The following KIF1A variants were observed in gnomAD, a reference collection of about 807,000 sequenced individuals.
The protein encoded by KIF1A is kinesin family member 1A.
In KIF1A, 46 loss-of-function variants were observed where a neutral mutation model predicts 227.3. That is an observed-to-expected ratio of 0.20 (90% CI 0.16 to 0.26). KIF1A has a LOEUF of 0.26. Among genes scored for constraint, KIF1A ranks in the 10% least tolerant of loss-of-function variants. The probability of loss-of-function intolerance (pLI) is 1.00; values close to 1 mark genes in which losing one functional copy is unlikely to be tolerated. For synonymous variants in KIF1A, 1,022 were observed against 1,012.8 expected (o/e 1.01, Z -0.17); for missense variants, 1,683 against 2,485.9 (o/e 0.68, Z 6.87).
chr2:240,797,648 G>A lies in KIF1A; in HGVS notation c.105C>T (p.Thr35=). The part of the protein sequence containing the change: ...KCIIQMSGST[T]TIVNPKQPKE... The stretch of plus-strand genomic sequence containing the variant: ...GATGCTGTGCAGGCTGATACTCACT[G>A]GTGGTGCTTCCAGACATCTGAATGA... Residue 35 remains threonine, a splice_region_variant and synonymous_variant, in exon 2 of 49, where the codon ACC becomes ACT. Transcript: ENST00000498729. 1 of 1,605,400 alleles carries A rather than the reference G, an allele frequency of 6.2e-7. No individual in the cohort carries two copies. The highest frequency in any genetic ancestry group is 2.2e-5 in the East Asian group (1 of 44,848).
At position 240,790,234 on chromosome 2, in the gene KIF1A, A is replaced by G. The variant is rs542608254; in HGVS notation, c.107-922T>C. Among the ~76,000 whole-genome samples the G allele has an allele frequency of 3.7e-4, 57 of 152,292 alleles. No homozygotes were observed. The highest frequency in any genetic ancestry group is 1.3e-3 in the African/African-American group (55 of 41,564). On this transcript the variant is annotated intron_variant, in intron 2 of 48. Transcript: ENST00000498729. This position sits in a 1 kb window ranked among gnomAD's most constrained non-coding sequence, Gnocchi z 5.0. ...AGAATTGGTGTTGACAGAGGCCTGG[A>G]GGCCTGAGGCAGTCCCCTCCCAGGT...
chr2:240,774,659 T>C (rs978712001), intron 11 of KIF1A, among the ~76,000 whole-genome samples: 1 of 152,066 alleles, frequency 6.6e-6, no homozygotes, highest in Non-Finnish European at 1.5e-5. Flanking sequence ...TCATTTGAAA[T>C]ATATTCCTCA....
At position 240,793,397 on chromosome 2, in the gene KIF1A, G is replaced by T. The variant is rs1374883271; in HGVS notation, c.107-4085C>A. On this transcript the variant is annotated intron_variant, in intron 2 of 48. Transcript: ENST00000498729. The surrounding 1 kb of genome is among the most constrained non-coding windows in gnomAD (Gnocchi z 4.8). The stretch of plus-strand genomic sequence containing the variant: ...CTAGCCAGTGTCACACAGCGAGTAA[G>T]TCATGAGCACAGCCAGGCCCCTCAC... Among the ~76,000 whole-genome samples, 1 of 152,240 alleles carries T rather than the reference G, an allele frequency of 6.6e-6. No homozygotes were observed. Among genetic ancestry groups the T allele is most frequent in the East Asian group, 1.9e-4 (1 of 5,204 alleles).
chr2:240,777,741 G>C (rs930862517), intron 10 of KIF1A, among the ~76,000 whole-genome samples: 1 of 152,206 alleles, frequency 6.6e-6, no homozygotes, highest in Non-Finnish European at 1.5e-5. Flanking sequence ...GGCAGCTCCT[G>C]ACAAGCCGGG....
At chr2:240,773,382 T>C (rs964166681) in intron 12 of KIF1A, 126 bp from the exon 13 acceptor site, 162 of 1,182,442 alleles carry the variant, frequency 1.4e-4, no homozygotes, top group Non-Finnish European at 1.8e-4. Flanking sequence ...AAGGTGGACC[T>C]GAGCCAGCAC....
At chr2:240,741,440 C>T (rs890762750) in intron 34 of KIF1A, 63 bp from the exon 35 acceptor site, 62 of 1,303,832 alleles carry the variant, frequency 4.8e-5, no homozygotes, top group Admixed American at 2.6e-4. Flanking sequence ...GCCAAGGGCA[C>T]ACTCAAGGAG....
chr2:240,782,653 G>A, intron 9 of KIF1A, 46 bp from the exon 10 acceptor site: 1 of 1,548,792 alleles, frequency 6.5e-7, no homozygotes, highest in East Asian at 2.4e-5. Flanking sequence ...GAGCGAAGCT[G>A]GCGCGGGCTG....
chr2:240,807,700 A>G (rs981945019), intron 1 of KIF1A, among the ~76,000 whole-genome samples: 2 of 152,224 alleles, frequency 1.3e-5, no homozygotes, highest in East Asian at 3.8e-4. Flanking sequence ...ATAGAATTTT[A>G]GCATCAAAGT....
At chr2:240,718,215 G>T in intron 47 of KIF1A, 47 bp from the exon 48 acceptor site, 1 of 1,304,922 alleles carries the variant, frequency 7.7e-7, no homozygotes, top group African/African-American at 1.5e-5. Flanking sequence ...TCCGTGGTCA[G>T]CACACCACCC....
At chr2:240,745,946 GC>G in intron 30 of KIF1A, 37 bp from the exon 31 acceptor site, 1 of 1,593,152 alleles carries the variant, frequency 6.3e-7, no homozygotes, top group South Asian at 1.1e-5. Flanking sequence ...GGACCTCCAG[GC>G]CATATTGTCT....
chr2:240,748,360 G>T (rs1052660608), intron 28 of KIF1A, among the ~76,000 whole-genome samples: 1 of 152,192 alleles, frequency 6.6e-6, no homozygotes, highest in Non-Finnish European at 1.5e-5. Flanking sequence ...CCTCCATGTG[G>T]ACCCCAGAGA....
intron 38 of KIF1A, among the ~76,000 whole-genome samples, chr2:240,729,597 T>C (rs2046387774): frequency 6.6e-6 from 1 of 152,204 alleles, no homozygotes; most frequent in Admixed American, 6.5e-5. Context: ...TGGACTCTGC[T>C]GGAGCCAGGC....
chr2:240,741,856 A>G lies in KIF1A; in HGVS notation c.3641-479T>C, dbSNP rs897717434. On this transcript the variant is annotated intron_variant, in intron 34 of 48. Transcript: ENST00000498729. ...CGAGAGGACCTGTCCCTCAGCTCCCACTGACCCTCCACTCGTGTCCAGCTC... is the reference window on the plus strand; with the variant it reads ...CGAGAGGACCTGTCCCTCAGCTCCCGCTGACCCTCCACTCGTGTCCAGCTC... Among the ~76,000 whole-genome samples, 6 of 152,180 alleles carry G rather than the reference A, an allele frequency of 3.9e-5. 1 individual carries two copies. The highest frequency in any genetic ancestry group is 2.0e-4 in the Admixed American group (3 of 15,278).
In KIF1A at chr2:240,769,710, G is replaced by T. The variant is rs745742289; in HGVS notation, c.1342-4C>A. The stretch of plus-strand genomic sequence containing the variant: ...CAGCTATGATCTTCTCTGTTTCCTG[G>T]GGATTGAGGCAGAGCACAGTGAGCT... On this transcript the variant is annotated splice_region_variant and splice_polypyrimidine_tract_variant and intron_variant, in intron 15 of 48. Coordinates refer to ENST00000498729, the MANE Select transcript of KIF1A (RefSeq NM_001244008.2). 90 of 1,612,910 alleles carry T rather than the reference G, an allele frequency of 5.6e-5. No homozygotes were observed. In the East Asian group the frequency reaches 2.0e-3, roughly 36 times the overall value.
intron 38 of KIF1A, chr2:240,728,346 G>T: frequency 8.1e-7 from 1 of 1,234,350 alleles, no homozygotes; most frequent in Non-Finnish European, 1.1e-6. Context: ...AAGAGCAGAA[G>T]AGGACAGACC....
intron 1 of KIF1A, among the ~76,000 whole-genome samples, chr2:240,819,339 G>C (rs1427098048): frequency 6.6e-6 from 1 of 152,034 alleles, no homozygotes; most frequent in African/African-American, 2.4e-5. Context: ...CCTCGCCGCC[G>C]GGCCACACCT....
chr2:240,821,387 G>T (rs529243734), upstream of KIF1A, among the ~76,000 whole-genome samples: 11 of 152,318 alleles, frequency 7.2e-5, no homozygotes, highest in South Asian at 2.3e-3. Context: ...GGCTGGGGGA[G>T]ATTCACATCC....
At chr2:240,774,322 TC>T (rs2052438442) in intron 11 of KIF1A, 61 bp from the exon 12 acceptor site, 9 of 1,038,492 alleles carry the variant, frequency 8.7e-6, no homozygotes, top group Non-Finnish European at 1.2e-5. Context: ...CTATGTCTGC[TC>T]CCCCCTTCCC....
At chr2:240,781,443 A>AG in intron 10 of KIF1A, among the ~76,000 whole-genome samples, 1 of 58,840 alleles carries the variant, frequency 1.7e-5, no homozygotes, top group South Asian at 4.0e-4. Context: ...ACACACACAC[A>AG]CACACACACA....
Sources: allele counts gnomAD v4.1 joint callset (sites outside exome capture counted in the v4.1 genomes callset), GRCh38; gene constraint gnomAD v4.1.1; non-coding constraint Gnocchi (gnomAD v3.1); transcripts MANE v1.5; gene names NCBI Gene and HGNC (gene_info 2026-07-23, HGNC 2026-07-21).